The following OPCML variants were observed in gnomAD, a reference collection of about 807,000 sequenced individuals.
OPCML encodes opioid binding protein/cell adhesion molecule like.
Under a neutral mutation model 37.8 loss-of-function variants are expected in OPCML, and 13 were observed. The ratio of observed to expected loss-of-function variants is 0.34; its 90% confidence interval spans 0.22 to 0.55. OPCML has a LOEUF of 0.55. Among genes scored for constraint, OPCML ranks in the 20% least tolerant of loss-of-function variants. The pLI is 0.91. For synonymous variants in OPCML, 176 were observed against 168.8 expected (o/e 1.04, Z -0.33); for missense variants, 341 against 435.6 (o/e 0.78, Z 1.93).
chr11:133,097,811 C>A (rs1949026140), intron 1 of OPCML, among the ~76,000 whole-genome samples: 1 of 152,126 alleles, frequency 6.6e-6, no homozygotes, highest in South Asian at 2.1e-4. Flanking sequence ...AAAACTTACA[C>A]AAGAAGAAAT....
At chr11:133,361,337 C>A (rs1450735208) in intron 1 of OPCML, 1 of 152,298 alleles carries the variant, frequency 6.6e-6, no homozygotes, top group Non-Finnish European at 1.5e-5. Context: ...GGTGATGCGG[C>A]CCCCCTTCCA....
intron 1 of OPCML, among the ~76,000 whole-genome samples, chr11:133,398,827 G>A (rs1945340695): frequency 6.6e-6 from 1 of 151,510 alleles, no homozygotes; most frequent in African/African-American, 2.4e-5. Context: ...TCATCTCCCG[G>A]CCAGGGTCCC....
At chr11:132,871,679 C>T (rs1565925744) in intron 2 of OPCML, among the ~76,000 whole-genome samples, 1 of 152,328 alleles carries the variant, frequency 6.6e-6, no homozygotes, top group South Asian at 2.1e-4. Context: ...TAGGCACTTC[C>T]TCTGTTCATC....
chr11:133,523,973 T>C (rs986070416), intron 1 of OPCML, among the ~76,000 whole-genome samples: 1 of 152,214 alleles, frequency 6.6e-6, no homozygotes, highest in Non-Finnish European at 1.5e-5. Context: ...TAGTTTCATG[T>C]CGGTCATGAT....
intron 1 of OPCML, among the ~76,000 whole-genome samples, chr11:133,499,701 A>T (rs13377259): frequency 0.092 from 13,908 of 150,782 alleles, 878 homozygotes; most frequent in African/African-American, 0.19. Flanking sequence ...GGTTTTTTTT[A>T]AAATAATAAT....
intron 1 of OPCML, among the ~76,000 whole-genome samples, chr11:133,521,742 T>C (rs1224477261): frequency 6.6e-6 from 1 of 152,244 alleles, no homozygotes; most frequent in Non-Finnish European, 1.5e-5. Flanking sequence ...GCTATTTCCA[T>C]CTGCCACATT....
intron 1 of OPCML, among the ~76,000 whole-genome samples, chr11:132,996,033 C>T (rs4936178): frequency 3.4e-4 from 51 of 152,008 alleles, no homozygotes; most frequent in Admixed American, 2.3e-3. Flanking sequence ...CCATCCTCCC[C>T]CTGCCATCCA....
chr11:133,435,675 G>A (rs1232469384), intron 1 of OPCML, among the ~76,000 whole-genome samples: 1 of 152,166 alleles, frequency 6.6e-6, no homozygotes, highest in Admixed American at 6.5e-5. Flanking sequence ...ATTTTATGTG[G>A]ACGATACAAG....
intron 3 of OPCML, among the ~76,000 whole-genome samples, chr11:132,653,304 C>A (rs1221275554): frequency 6.6e-6 from 1 of 152,164 alleles, no homozygotes; most frequent in African/African-American, 2.4e-5. Flanking sequence ...CTCTCAGGCA[C>A]CTCTGGATCT....
At chr11:132,431,507 G>A (rs896944209) in intron 7 of OPCML, among the ~76,000 whole-genome samples, 4 of 152,092 alleles carry the variant, frequency 2.6e-5, no homozygotes, top group Admixed American at 2.6e-4. Context: ...TGACCACTCT[G>A]TCCTTGTGGC....
intron 4 of OPCML, among the ~76,000 whole-genome samples, chr11:132,490,833 A>G (rs1209751236): frequency 1.3e-5 from 2 of 151,728 alleles, no homozygotes; most frequent in East Asian, 1.9e-4. Flanking sequence ...AAAAAAAAAA[A>G]AGAAATGAAG....
rs187555873 is a variant in OPCML, at chr11:132,646,725, T to C, written c.379+10362A>G. 6.6e-4 allele frequency among the ~76,000 whole-genome samples: 100 copies of C among 152,240 alleles called. 1 individual carries two copies. The highest frequency in any genetic ancestry group is 3.2e-3 in the Admixed American group (49 of 15,290). ...TTATACACAATGGTGTTTCCATGAA[T>C]AGAAATGCGAATTACGAGAAGAGGA... is the stretch of plus-strand genomic sequence containing the variant. On this transcript the variant is annotated intron_variant, in intron 3 of 7. Coordinates refer to ENST00000524381, the MANE Select transcript of OPCML (RefSeq NM_001012393.5).
At position 133,105,477 on chromosome 11, in the gene OPCML, T is replaced by C. The variant is rs115351105; in HGVS notation, c.62-162467A>G. Among the ~76,000 whole-genome samples the C allele has an allele frequency of 9.4e-3, 1,428 of 152,220 alleles. 26 individuals are homozygous for C. Among genetic ancestry groups the C allele is most frequent in the African/African-American group, 0.033 (1,353 of 41,518 alleles). On this transcript the variant is annotated intron_variant, in intron 1 of 7. Transcript: ENST00000524381. ...GTTTAGTGCCAGTGGGCAGATGAATTGAAATGAGCAGAAATCAAAGGTAAG... is the reference window on the plus strand; with the variant it reads ...GTTTAGTGCCAGTGGGCAGATGAATCGAAATGAGCAGAAATCAAAGGTAAG...
chr11:133,068,140 C>T (rs1021531326), intron 1 of OPCML: 7 of 152,152 alleles, frequency 4.6e-5, no homozygotes, highest in African/African-American at 1.7e-4. Context: ...TTGATACTGA[C>T]AGATGGTATT....
intron 2 of OPCML, among the ~76,000 whole-genome samples, chr11:132,753,641 C>T (rs1315118241): frequency 6.6e-6 from 1 of 152,144 alleles, no homozygotes; most frequent in Non-Finnish European, 1.5e-5. Context: ...TGTCAATCTG[C>T]ATAGTGCAGT....
intron 1 of OPCML, chr11:133,004,445 T>C: frequency 1.0e-6 from 1 of 985,478 alleles, no homozygotes; most frequent in Non-Finnish European, 1.2e-6. Flanking sequence ...CAAGGCAGCA[T>C]GTGGAGGCTG....
chr11:132,423,458 C>A (rs140960468), intron 7 of OPCML, among the ~76,000 whole-genome samples: 25 of 152,318 alleles, frequency 1.6e-4, no homozygotes, highest in African/African-American at 5.8e-4. Flanking sequence ...AATGCCAATG[C>A]GGTGAGGGCT....
rs558713443 is a variant in OPCML, at chr11:133,175,533, C to T, written c.62-232523G>A. Among the ~76,000 whole-genome samples, 16 of 150,316 alleles carry T rather than the reference C, an allele frequency of 1.1e-4. No individual in the cohort carries two copies. In the South Asian group the frequency reaches 1.5e-3, roughly 14 times the overall value. ...GTTTTCCATGATGGACTGCAACCCA[C>T]GACAGGTTACATCTATCAAGAACAC... On this transcript the variant is annotated intron_variant, in intron 1 of 7. Coordinates refer to ENST00000524381, the MANE Select transcript of OPCML (RefSeq NM_001012393.5).
intron 1 of OPCML, among the ~76,000 whole-genome samples, chr11:133,143,650 A>G (rs553783157): frequency 2.8e-4 from 42 of 152,348 alleles, no homozygotes; most frequent in Non-Finnish European, 5.4e-4. Context: ...GCTGGACCTC[A>G]GAGCAAACTG....
Sources: gnomAD v4.1 joint callset for allele counts (sites outside exome capture counted in the v4.1 genomes callset) on GRCh38, gnomAD v4.1.1 for gene constraint, MANE v1.5 for transcripts, NCBI Gene and HGNC (gene_info 2026-07-23, HGNC 2026-07-21) for gene names.